The following DGKD variants were observed in gnomAD, a reference collection of about 807,000 sequenced individuals.
The protein encoded by DGKD is diacylglycerol kinase delta, also known as DAG kinase delta.
A neutral mutation model predicts 154.4 loss-of-function variants in DGKD; 68 were observed. That is an observed-to-expected ratio of 0.44 (90% CI 0.36 to 0.54). The LOEUF (loss-of-function observed/expected upper bound fraction) is 0.54, where lower values mean the gene tolerates loss of function less well. Among genes scored for constraint, DGKD ranks in the 20% least tolerant of loss-of-function variants. The pLI, the probability that DGKD is intolerant of heterozygous loss-of-function variation, is 0.00. For synonymous variants in DGKD, 693 were observed against 638.0 expected (o/e 1.09, Z -1.30); for missense variants, 1,343 against 1,593.6 (o/e 0.84, Z 2.68).
intron 10 of DGKD, among the ~76,000 whole-genome samples, chr2:233,444,015 T>C (rs2062983302): frequency 6.6e-6 from 1 of 152,102 alleles, no homozygotes. Context: ...AGAGCCTTGC[T>C]GGGGCCTCTC....
chr2:233,438,602 C>A lies in DGKD; in HGVS notation c.1085+223C>A, dbSNP rs1201920517. On this transcript the variant is annotated intron_variant, in intron 9 of 29. Transcript: ENST00000264057. The surrounding 1 kb of genome is among the most constrained non-coding windows in gnomAD (Gnocchi z 4.1). The stretch of plus-strand genomic sequence containing the variant: ...CGCGTGTGCACACACGTACATACAT[C>A]CATGTACACACACCCATGCACGTGC... 6.6e-6 allele frequency among the ~76,000 whole-genome samples: 1 copy of A among 152,206 alleles called. No individual in the cohort carries two copies. Among genetic ancestry groups the A allele is most frequent in the Non-Finnish European group, 1.5e-5 (1 of 68,042 alleles).
chr2:233,401,200 C>A (rs1171410649), intron 3 of DGKD, among the ~76,000 whole-genome samples: 19 of 151,970 alleles, frequency 1.3e-4, no homozygotes. Flanking sequence ...GGGCTAGTAA[C>A]CTGCCTTGTG....
chr2:233,382,101 G>T (rs1387860063), intron 1 of DGKD, among the ~76,000 whole-genome samples: 2 of 152,156 alleles, frequency 1.3e-5, no homozygotes, highest in Non-Finnish European at 2.9e-5. Flanking sequence ...CAGGCATGTA[G>T]TGCGCGCCTG....
chr2:233,448,996 CT>C, intron 14 of DGKD, 106 bp from the exon 15 acceptor site: 1 of 1,392,240 alleles, frequency 7.2e-7, no homozygotes. Context: ...TAGGATTTTC[CT>C]TTTGATCGAG....
chr2:233,415,289 A>G (rs910240445), intron 3 of DGKD, among the ~76,000 whole-genome samples: 12 of 152,244 alleles, frequency 7.9e-5, no homozygotes, highest in African/African-American at 2.9e-4. Context: ...TCCATGTGAA[A>G]TAGGAGTAGG....
intron 1 of DGKD, among the ~76,000 whole-genome samples, chr2:233,384,299 C>T (rs1417409823): frequency 6.6e-6 from 1 of 152,156 alleles, no homozygotes; most frequent in Admixed American, 6.6e-5. Context: ...ATCTTCTCGA[C>T]GTGCTCTCTG....
At position 233,458,441 on chromosome 2, in the gene DGKD, G is replaced by C. The variant is rs749367696; in HGVS notation, c.2694+44G>C. Reference sequence around the variant, plus strand: ...GGGTGTCTGGCCGAGTCCCCAGCCCGGAGTGTGCTAAATTCTGGGGCAGTG... The same window carrying C: ...GGGTGTCTGGCCGAGTCCCCAGCCCCGAGTGTGCTAAATTCTGGGGCAGTG... On this transcript the variant is annotated intron_variant, in intron 22 of 29. Coordinates refer to ENST00000264057, the MANE Select transcript of DGKD (RefSeq NM_152879.3). This position sits in a 1 kb window ranked among gnomAD's most constrained non-coding sequence, Gnocchi z 6.6. 2 of 1,488,944 alleles carry C rather than the reference G, an allele frequency of 1.3e-6. No homozygotes were observed. The highest frequency in any genetic ancestry group is 2.3e-5 in the East Asian group (1 of 43,602). 92.2% of individuals were successfully genotyped at this position (1,488,944 alleles called of 1,614,324 possible). A position where few individuals can be genotyped will look rare whatever the true frequency, so the allele number is the denominator to read the frequency against.
rs2063215890 is a variant in DGKD, at chr2:233,449,952, T to TG, written c.1889-29dup. 1 of 1,550,434 alleles carries TG rather than the reference T, an allele frequency of 6.4e-7. No individual in the cohort carries two copies. Among genetic ancestry groups the TG allele is most frequent in the East Asian group, 2.3e-5 (1 of 43,666 alleles). On this transcript the variant is annotated intron_variant, in intron 15 of 29. Transcript: ENST00000264057. This position sits in a 1 kb window ranked among gnomAD's most constrained non-coding sequence, Gnocchi z 5.3. ...CAGCGCCCTTGGCTTTGCACCCGCG[T>TG]GCTCAGCCGCACACACTCTCCTTGC...
At position 233,452,587 on chromosome 2, in the gene DGKD, C is replaced by T. The variant is rs1450123372; in HGVS notation, c.2264+527C>T. 2.6e-5 allele frequency among the ~76,000 whole-genome samples: 4 copies of T among 152,298 alleles called. No homozygotes were observed. The East Asian group carries it at 7.7e-4, about 29-fold the overall frequency. ...CCGAGCACCTTAGGGAGACACTAGC[C>T]TGTGCTGAGGCTTATAAGGGCTGCT... On this transcript the variant is annotated intron_variant, in intron 18 of 29. Transcript: ENST00000264057. The surrounding 1 kb of genome is among the most constrained non-coding windows in gnomAD (Gnocchi z 4.0).
At chr2:233,422,921 A>C (rs1340183105) in intron 3 of DGKD, among the ~76,000 whole-genome samples, 1 of 152,154 alleles carries the variant, frequency 6.6e-6, no homozygotes, top group Non-Finnish European at 1.5e-5. Flanking sequence ...ACAGCCTCAC[A>C]CATGTCCCTC....
chr2:233,457,251 C>G lies in DGKD; in HGVS notation c.2503C>G (p.Leu835Val), dbSNP rs777125817. The G allele has an allele frequency of 8.5e-6, 13 of 1,522,380 alleles. No individual in the cohort carries two copies. Among genetic ancestry groups the G allele is most frequent in the South Asian group, 1.3e-5 (1 of 75,610 alleles). The allele number at this position is 1,522,380 out of a possible 1,614,324, so 94.3% of individuals were successfully genotyped here. Residue 835 changes from leucine to valine, a missense_variant, in exon 21 of 30, where the codon CTT (leucine) becomes GTT (valine). By Grantham distance (32) the Leu-to-Val change is conservative. Transcript: ENST00000264057. This position sits in a 1 kb window ranked among gnomAD's most constrained non-coding sequence, Gnocchi z 5.5. The stretch of plus-strand genomic sequence containing the variant: ...CGGGCGACCCATCCCACTCCCCAGT[C>G]TTCAGGGAATTGCTGTCCTTAACAT... ...CDGRPIPLPS[L>V]QGIAVLNIPS...
Position 233,447,800 on chromosome 2 carries a change from C to T in DGKD, c.1420-287C>T, listed in dbSNP as rs538978034. On this transcript the variant is annotated intron_variant, in intron 12 of 29. Transcript: ENST00000264057. ...CTGTCAGGATGAGTAGGGGTCAGGA[C>T]GGAAGCTCCTAGCACAGGCCGTGCT... 1.0e-4 allele frequency: 125 copies of T among 1,205,676 alleles called. No individual in the cohort carries two copies. The South Asian group carries it at 1.2e-3, about 12-fold the overall frequency. 74.7% of individuals were successfully genotyped at this position (1,205,676 alleles called of 1,614,324 possible).
intron 1 of DGKD, among the ~76,000 whole-genome samples, chr2:233,375,098 T>C (rs1702502579): frequency 6.6e-6 from 1 of 152,166 alleles, no homozygotes. Context: ...GAGACCAGCC[T>C]GGCCAACATG....
chr2:233,376,410 AT>A (rs1471276762), intron 1 of DGKD, among the ~76,000 whole-genome samples: 1 of 152,178 alleles, frequency 6.6e-6, no homozygotes, highest in Non-Finnish European at 1.5e-5. Flanking sequence ...CAATTTCTTC[AT>A]TAGTAAAATG....
Position 233,436,360 on chromosome 2 carries a change from C to T in DGKD, c.738C>T (p.Ser246=), listed in dbSNP as rs773720550. The T allele has an allele frequency of 5.6e-6, 9 of 1,614,074 alleles. No individual in the cohort carries two copies. Among genetic ancestry groups the T allele is most frequent in the Middle Eastern group, 1.6e-4 (1 of 6,084 alleles). ...HQWLEGNLPV[S]AKCTVCDKTC... ...GGTTGGAAGGAAACCTACCTGTGAG[C>T]GCCAAGTGCACTGTGTGCGACAAGA... The change falls in exon 7 of 30, where the codon AGC becomes AGT. Residue 246 remains serine, a synonymous_variant. Coordinates refer to ENST00000264057, the MANE Select transcript of DGKD (RefSeq NM_152879.3).
chr2:233,448,341 A>G lies in DGKD; in HGVS notation c.1580A>G (p.Glu527Gly). 6.2e-7 allele frequency: 1 copy of G among 1,614,156 alleles called. No individual in the cohort carries two copies. The highest frequency in any genetic ancestry group is 8.5e-7 in the Non-Finnish European group (1 of 1,180,026). Reference protein sequence around the residue: ...RVGKAYEKTTESSEESEVMAK... With the variant: ...RVGKAYEKTTGSSEESEVMAK... ...GGGAAGGCCTATGAGAAGACGACCGAGAGCTCGGAGGAGTCAGAGGTCATG... is the reference window on the plus strand; with the variant it reads ...GGGAAGGCCTATGAGAAGACGACCGGGAGCTCGGAGGAGTCAGAGGTCATG... The change falls in exon 14 of 30, where the codon GAG becomes GGG. Residue 527 changes from glutamate to glycine, a missense_variant. Around this residue, in one of 6 missense-constraint regions of DGKD, gnomAD observed 409 missense variants for 446.0 expected, o/e 0.92. Coordinates refer to ENST00000264057, the MANE Select transcript of DGKD (RefSeq NM_152879.3).
At chr2:233,439,319 C>T (rs1003588142) in intron 9 of DGKD, among the ~76,000 whole-genome samples, 1 of 152,166 alleles carries the variant, frequency 6.6e-6, no homozygotes, top group East Asian at 1.9e-4. Context: ...TCGGCCAGCT[C>T]CCTGCGTGTC....
At chr2:233,376,549 C>T (rs1212362157) in intron 1 of DGKD, among the ~76,000 whole-genome samples, 1 of 152,048 alleles carries the variant, frequency 6.6e-6, no homozygotes, top group African/African-American at 2.4e-5. Context: ...GGGAATGTTT[C>T]CTGGGCCTCC....
Position 233,449,977 on chromosome 2 carries a change from C to T in DGKD, c.1889-5C>T, listed in dbSNP as rs1575146133. 1.3e-6 allele frequency: 2 copies of T among 1,591,576 alleles called. No individual in the cohort carries two copies. Among genetic ancestry groups the T allele is most frequent in the Non-Finnish European group, 1.7e-6 (2 of 1,168,228 alleles). ...TGCTCAGCCGCACACACTCTCCTTG[C>T]ACAGCTGTCGATGAGCAGAATGCCC... On this transcript the variant is annotated splice_polypyrimidine_tract_variant and splice_region_variant and intron_variant, in intron 15 of 29. Coordinates refer to ENST00000264057, the MANE Select transcript of DGKD (RefSeq NM_152879.3). The surrounding 1 kb of genome is among the most constrained non-coding windows in gnomAD (Gnocchi z 5.3).
Sources: allele counts gnomAD v4.1 joint callset (sites outside exome capture counted in the v4.1 genomes callset), GRCh38; gene constraint gnomAD v4.1.1; regional missense constraint gnomAD v4.1.1; non-coding constraint Gnocchi (gnomAD v3.1); transcripts MANE v1.5; gene names NCBI Gene and HGNC (gene_info 2026-07-23, HGNC 2026-07-21).